The following UBXN8 variants were observed in gnomAD, a reference collection of about 807,000 sequenced individuals.
UBXN8 encodes the protein UBX domain protein 8.
In UBXN8, 27 loss-of-function variants were observed where a neutral mutation model predicts 32.1. That is an observed-to-expected ratio of 0.84 (90% CI 0.62 to 1.16). The LOEUF (loss-of-function observed/expected upper bound fraction) is 1.16, where lower values mean the gene tolerates loss of function less well. UBXN8 is among the 50% of genes most tolerant of loss of function. The pLI is 0.00. For synonymous variants in UBXN8, 109 were observed against 111.8 expected (o/e 0.98, Z 0.16); for missense variants, 306 against 311.4 (o/e 0.98, Z 0.13).
intron 6 of UBXN8, among the ~76,000 whole-genome samples, chr8:30,762,314 G>A (rs1270854508): frequency 2.0e-5 from 3 of 152,142 alleles, no homozygotes; most frequent in African/African-American, 4.8e-5. Flanking sequence ...GGTCTCAAGT[G>A]ATCCTCTCAC....
Position 30,747,178 on chromosome 8 carries a change from C to A in UBXN8, c.88+2901C>A, listed in dbSNP as rs765573574. On this transcript the variant is annotated intron_variant, in intron 1 of 7. Transcript: ENST00000265616. ...CAAAACAAAAACAAAAACGAAAAAA[C>A]CTTAAAATTTTTTTTCTTTAAAGGT... Among the ~76,000 whole-genome samples, 5 of 140,176 alleles carry A rather than the reference C, an allele frequency of 3.6e-5. 2 individuals carry two copies. In the South Asian group the frequency reaches 1.3e-3, roughly 35 times the overall value. The allele number at this position is 140,176 out of a possible 152,430, so 92.0% of individuals were successfully genotyped here.
chr8:30,754,782 C>G lies in UBXN8; in HGVS notation c.400C>G (p.Leu134Val), dbSNP rs540981348. ...CTGGAAATTAAGCAGTGGTCACAAA[C>G]TTGGGGTTGGAAAATATTCTCATTT... ...EAWKLSSGHK[L>V]GGDEGTSQTS... is the part of the protein sequence containing the mutation. The change falls in exon 4 of 8, where the codon CTT (leucine) becomes GTT (valine). Residue 134 changes from leucine (L) to valine (V), a missense_variant. By Grantham distance (32) the Leu-to-Val change is conservative. Transcript: ENST00000265616. 6.4e-7 allele frequency: 1 copy of G among 1,554,564 alleles called. No individual in the cohort carries two copies.
chr8:30,730,079 T>G (rs1015774571), upstream of UBXN8, among the ~76,000 whole-genome samples: 1 of 152,190 alleles, frequency 6.6e-6, no homozygotes, highest in African/African-American at 2.4e-5. Context: ...GGCTCCCCAC[T>G]TTTGAGTCCA....
intron 5 of UBXN8, among the ~76,000 whole-genome samples, chr8:30,757,286 A>G (rs1805688520): frequency 6.6e-6 from 1 of 152,178 alleles, no homozygotes; most frequent in Non-Finnish European, 1.5e-5. Flanking sequence ...ACTGTGGCTC[A>G]TGCCTGTAAT....
chr8:30,755,578 C>T lies in UBXN8; in HGVS notation c.405+791C>T, dbSNP rs182735114. ...GACCAGCCTGGGCAACATAGGAAGA[C>T]CCTGTCTCTACAAAAAAAAAATTAA... On this transcript the variant is annotated intron_variant, in intron 4 of 7. Transcript: ENST00000265616. Among the ~76,000 whole-genome samples the T allele has an allele frequency of 5.5e-3, 576 of 105,090 alleles. 2 individuals are homozygous for T. The highest frequency in any genetic ancestry group is 0.019 in the African/African-American group (531 of 28,534). The allele number at this position is 105,090 out of a possible 152,430, so 68.9% of individuals were successfully genotyped here.
chr8:30,752,112 G>C (rs574915670), intron 2 of UBXN8, among the ~76,000 whole-genome samples: 1 of 151,964 alleles, frequency 6.6e-6, no homozygotes, highest in Admixed American at 6.6e-5. Flanking sequence ...GGATGGTCTC[G>C]ATCTCTTGAC....
At chr8:30,744,925 GAACACCTATTATAAGCCA>G (rs1295595589) in intron 1 of UBXN8, among the ~76,000 whole-genome samples, 1 of 152,160 alleles carries the variant, frequency 6.6e-6, no homozygotes, top group African/African-American at 2.4e-5. Flanking sequence ...GACGTTTATT[GAACACCTATTATAAGCCA>G]AACACCAGGT....
upstream of UBXN8, among the ~76,000 whole-genome samples, chr8:30,742,875 G>C (rs1805242971): frequency 6.6e-6 from 1 of 151,762 alleles, no homozygotes; most frequent in African/African-American, 2.4e-5. Context: ...TTTGCTTACA[G>C]GGCTATCTTT....
Position 30,751,405 on chromosome 8 carries a change from A to G in UBXN8, c.98A>G (p.Asp33Gly). ...TTTTTTCCTTTATCAGGAATCAAGG[A>G]TTTTCTTTTGCTTTGTGGCCGGATT... Reference protein sequence around the residue: ...RRGIPDIGIKDFLLLCGRILL... With the variant: ...RRGIPDIGIKGFLLLCGRILL... Residue 33 changes from aspartate to glycine, a missense_variant, in exon 2 of 8, where the codon GAT becomes GGT. Coordinates refer to ENST00000265616, the MANE Select transcript of UBXN8 (RefSeq NM_005671.4). The G allele has an allele frequency of 6.3e-7, 1 of 1,580,790 alleles. No homozygotes were observed. The highest frequency in any genetic ancestry group is 8.6e-7 in the Non-Finnish European group (1 of 1,163,842).
chr8:30,759,968 TAAATAAAATAAAATAAAATAAAATA>T (rs149333500), intron 5 of UBXN8, among the ~76,000 whole-genome samples: 4 of 141,636 alleles, frequency 2.8e-5, no homozygotes, highest in Admixed American at 7.1e-5. Context: ...GAAAAATAAA[TAAATAAAATAAAATAAAATAAAATA>T]AAATAAAATA....
At chr8:30,752,285 T>C in intron 2 of UBXN8, among the ~76,000 whole-genome samples, 1 of 152,256 alleles carries the variant, frequency 6.6e-6, no homozygotes, top group East Asian at 1.9e-4. Context: ...ATGTAAATGT[T>C]TTTAATTTTA....
At chr8:30,738,323 C>T (rs1805111280) in intron 1 of UBXN8, among the ~76,000 whole-genome samples, 1 of 151,388 alleles carries the variant, frequency 6.6e-6, no homozygotes, top group Non-Finnish European at 1.5e-5. Context: ...TGAGACCAGC[C>T]TGGGAAACAG....
Position 30,756,760 on chromosome 8 carries a change from A to C in UBXN8, c.406-5A>C. The C allele has an allele frequency of 6.2e-7, 1 of 1,614,018 alleles. No individual in the cohort carries two copies. The highest frequency in any genetic ancestry group is 8.5e-7 in the Non-Finnish European group (1 of 1,179,870). ...CTTTAGAAATTGTCTGTTGTGTTTG[A>C]CCAGGGTGATGAAGGTACAAGTCAG... On this transcript the variant is annotated splice_polypyrimidine_tract_variant and splice_region_variant and intron_variant, in intron 4 of 7. Transcript: ENST00000265616.
chr8:30,764,878 T>C (rs770343928), intron 7 of UBXN8, among the ~76,000 whole-genome samples: 2 of 152,012 alleles, frequency 1.3e-5, no homozygotes, highest in Admixed American at 6.6e-5. Context: ...GGTGAAACCT[T>C]GTCTCTACTA....
At chr8:30,756,678 A>C in intron 4 of UBXN8, 87 bp from the exon 5 acceptor site, 1 of 1,548,270 alleles carries the variant, frequency 6.5e-7, no homozygotes, top group Non-Finnish European at 8.7e-7. Flanking sequence ...CCATCAGGGT[A>C]AAAAAAGGAA....
chr8:30,756,153 G>A (rs1805652893), intron 4 of UBXN8: 1 of 151,232 alleles, frequency 6.6e-6, no homozygotes, highest in East Asian at 1.9e-4. Context: ...GCTAATTTTT[G>A]TTTTTGAGAC....
At chr8:30,759,862 C>T (rs1339457146) in intron 5 of UBXN8, among the ~76,000 whole-genome samples, 1 of 151,318 alleles carries the variant, frequency 6.6e-6, no homozygotes, top group Non-Finnish European at 1.5e-5. Context: ...GAGGCTGAGA[C>T]AGGAGAATGG....
rs930723533 is a variant in UBXN8 at position 30,762,582 on chromosome 8, G to A, written c.571-691G>A. The stretch of plus-strand genomic sequence containing the variant: ...TAATATTTGTATTTTTAGTAGAGAT[G>A]GGGTTTCACCGTGTTGGCCAGGCTG... On this transcript the variant is annotated intron_variant, in intron 6 of 7. Transcript: ENST00000265616. 5.3e-5 allele frequency among the ~76,000 whole-genome samples: 8 copies of A among 151,434 alleles called. No homozygotes were observed. The South Asian group carries it at 1.7e-3, about 32-fold the overall frequency.
At position 30,766,279 on chromosome 8, in the gene UBXN8, T is replaced by TTA. The variant is rs1404840062; in HGVS notation, c.699_700insAT (p.Ser234IlefsTer21). On this transcript the variant is annotated frameshift_variant, in exon 8 of 8. Transcript: ENST00000265616. LOFTEE classifies it high-confidence loss of function. ...GGGTACCACATATCTCTATACAGCC[T>TTA]TTCTACTTCCTTTCCCAGACGGCCT... The TTA allele has an allele frequency of 1.7e-5, 27 of 1,613,732 alleles. No homozygotes were observed. The highest frequency in any genetic ancestry group is 2.2e-5 in the Non-Finnish European group (26 of 1,179,810).
Sources: gnomAD v4.1 joint callset for allele counts (sites outside exome capture counted in the v4.1 genomes callset) on GRCh38, gnomAD v4.1.1 for gene constraint, MANE v1.5 for transcripts, NCBI Gene and HGNC (gene_info 2026-07-23, HGNC 2026-07-21) for gene names.